LPA: variants seen among roughly 807,000 people sequenced by gnomAD.
The protein encoded by LPA is apolipoprotein(a).
Under a neutral mutation model 197.9 loss-of-function variants are expected in LPA, and 199 were observed. The observed-to-expected ratio is 1.01, with a 90% CI of 0.90 to 1.13. The LOEUF is 1.13. Ranked by LOEUF, LPA falls within the 50% of genes most tolerant of loss-of-function variation. The pLI, the probability that LPA is intolerant of heterozygous loss-of-function variation, is 0.00. For missense variants in LPA, 1,853 were observed against 1,785.8 expected (o/e 1.04, Z -0.68); for synonymous variants, 715 against 639.5 (o/e 1.12, Z -1.78).
rs1371294018 is a variant in LPA, at chr6:160,541,131, A to G, written c.5570T>C (p.Leu1857Pro). 3 of 1,614,186 alleles carry G rather than the reference A, an allele frequency of 1.9e-6. No individual in the cohort carries two copies. The highest frequency in any genetic ancestry group is 2.5e-6 in the Non-Finnish European group (3 of 1,179,996). ...GGTLISPEWV[L>P]TAAHCLKKSS... ...CTTCTTCAAGCAGTGAGCAGCAGTC[A>G]GCACCCACTCTGGGGATATTAAGGT... Residue 1857 changes from leucine to proline, a missense_variant, in exon 35 of 39, where the codon CTG (leucine) becomes CCG (proline). By Grantham distance (98) the Leu-to-Pro change is moderately conservative. This residue lies in a region of LPA where 1,737 missense variants were observed against 1,504.4 expected (regional missense o/e 1.15). Coordinates refer to ENST00000316300, the MANE Select transcript of LPA (RefSeq NM_005577.4).
At chr6:160,609,951 AC>A (rs1399422958) in intron 16 of LPA, among the ~76,000 whole-genome samples, 1 of 152,026 alleles carries the variant, frequency 6.6e-6, no homozygotes, top group African/African-American at 2.4e-5. Flanking sequence ...TTTAAGACAT[AC>A]TTTTTGTATA....
intron 7 of LPA, among the ~76,000 whole-genome samples, chr6:160,634,608 A>T (rs1439928048): frequency 6.7e-6 from 1 of 148,516 alleles, no homozygotes; most frequent in Admixed American, 6.6e-5. Context: ...AAAGCCTAGG[A>T]CTGAAGAGCC....
At chr6:160,570,215 G>A (rs1778538041) in intron 28 of LPA, among the ~76,000 whole-genome samples, 1 of 152,180 alleles carries the variant, frequency 6.6e-6, no homozygotes, top group Non-Finnish European at 1.5e-5. Flanking sequence ...ATTCACAATA[G>A]CAAAGACTTG....
chr6:160,565,375 G>T (rs903595401), intron 28 of LPA, among the ~76,000 whole-genome samples: 2 of 152,180 alleles, frequency 1.3e-5, no homozygotes, highest in Admixed American at 6.5e-5. Flanking sequence ...AATATTTGCT[G>T]TTCTGCAGCC....
chr6:160,647,288 C>G (rs4708876), intron 2 of LPA, among the ~76,000 whole-genome samples: 93,317 of 152,060 alleles, frequency 0.61, 29,228 homozygotes, highest in East Asian at 0.88. Flanking sequence ...GGCAAAGCAG[C>G]TGAGGAGTTT....
At chr6:160,596,225 C>A (rs1562337236) in intron 20 of LPA, among the ~76,000 whole-genome samples, 1 of 152,178 alleles carries the variant, frequency 6.6e-6, no homozygotes, top group East Asian at 1.9e-4. Context: ...TGTGCACCCT[C>A]ATTGGTCTGT....
At chr6:160,577,102 G>C in intron 28 of LPA, 34 bp downstream of exon 28, 3 of 1,610,618 alleles carry the variant, frequency 1.9e-6, no homozygotes, top group African/African-American at 2.7e-5. Flanking sequence ...TGAGTTGGCT[G>C]TTGCTCCTCT....
chr6:160,588,972 G>T (rs2115042087), intron 24 of LPA, among the ~76,000 whole-genome samples: 1 of 152,292 alleles, frequency 6.6e-6, no homozygotes, highest in Admixed American at 6.5e-5. Context: ...CCATCTTCCT[G>T]AATGTGTAAC....
At chr6:160,609,726 TA>T (rs1316548332) in intron 16 of LPA, among the ~76,000 whole-genome samples, 1 of 152,026 alleles carries the variant, frequency 6.6e-6, no homozygotes, top group Non-Finnish European at 1.5e-5. Context: ...GAGGGTCGGT[TA>T]ATTTTATATT....
rs536608798 is a variant in LPA, at chr6:160,545,641, G to C, written c.5305-108C>G. 9.2e-6 allele frequency: 7 copies of C among 758,548 alleles called. No individual in the cohort carries two copies. The African/African-American group carries it at 1.2e-4, about 13-fold the overall frequency. The allele number at this position is 758,548 out of a possible 1,614,324, so 47.0% of individuals were successfully genotyped here. On this transcript the variant is annotated intron_variant, in intron 32 of 38. Coordinates refer to ENST00000316300, the MANE Select transcript of LPA (RefSeq NM_005577.4). ...CTATTCTTAGAAGACAAAAGGGAGC[G>C]TTCCTTCTTCCTTTCTATCATTATT...
rs554286385 is a variant in LPA, at chr6:160,601,897, A to G, written c.2946-799T>C. Reference sequence around the variant, plus strand: ...ATGAGTTGAAAGAACAGTGGCACTCATGGCATAAAGGGAGACAGCTGGGCA... The same window carrying G: ...ATGAGTTGAAAGAACAGTGGCACTCGTGGCATAAAGGGAGACAGCTGGGCA... On this transcript the variant is annotated intron_variant, in intron 18 of 38. Transcript: ENST00000316300. Among the ~76,000 whole-genome samples, 3 of 152,316 alleles carry G rather than the reference A, an allele frequency of 2.0e-5. No homozygotes were observed. In the South Asian group the frequency reaches 6.2e-4, roughly 32 times the overall value.
chr6:160,656,081 T>A (rs769460884), intron 1 of LPA, among the ~76,000 whole-genome samples: 4 of 152,170 alleles, frequency 2.6e-5, no homozygotes, highest in Admixed American at 6.5e-5. Context: ...GCAGCTGCAA[T>A]TGGAGTCACC....
chr6:160,590,967 G>C lies in LPA; in HGVS notation c.3764C>G (p.Thr1255Arg), dbSNP rs200376184. The change falls in exon 23 of 39, where the codon ACG becomes AGG. Residue 1255 changes from threonine to arginine, a missense_variant. Physicochemically the swap from Thr to Arg is moderately conservative, Grantham distance 71. Transcript: ENST00000316300. ...CPVTESSVLA[T>R]STAVSEQAPT... is the part of the protein sequence containing the mutation. ...ACCTTGTTCAGAAACAGCCGTGGACGTCGCAAGGACACTTGATTCTGTCAC... is the reference window on the plus strand; with the variant it reads ...ACCTTGTTCAGAAACAGCCGTGGACCTCGCAAGGACACTTGATTCTGTCAC... 7.3e-4 allele frequency: 1,179 copies of C among 1,613,968 alleles called. 3 individuals carry two copies. The highest frequency in any genetic ancestry group is 6.3e-4 in the Non-Finnish European group (741 of 1,179,916).
Position 160,599,450 on chromosome 6 carries a change from G to A in LPA, c.3287+50C>T, listed in dbSNP as rs778921734. On this transcript the variant is annotated intron_variant, in intron 20 of 38. Transcript: ENST00000316300. The stretch of plus-strand genomic sequence containing the variant: ...ACCTTGAAGCATGACTCTTCTAACA[G>A]AAACTTCCATTGGCCCTTCCTTCGC... 3 of 1,609,630 alleles carry A rather than the reference G, an allele frequency of 1.9e-6. No homozygotes were observed. In the East Asian group the frequency reaches 6.7e-5, roughly 36 times the overall value.
chr6:160,549,849 A>T (rs986031254), intron 30 of LPA, among the ~76,000 whole-genome samples: 1 of 152,214 alleles, frequency 6.6e-6, no homozygotes, highest in Non-Finnish European at 1.5e-5. Flanking sequence ...GACCCAAGGC[A>T]TAAAGTGAGA....
Position 160,605,183 on chromosome 6 carries a change from C to T in LPA, c.2808G>A (p.Gly936=), listed in dbSNP as rs751823130. Residue 936 remains glycine, a synonymous_variant, in exon 18 of 39, where the codon GGG becomes GGA. Transcript: ENST00000316300. ...CATTTCCGTGGTAGCACTCCTGCAC[C>T]CCAGGCCTTTGCTCAGTTGGTGCTG... ...SEQAPTEQRP[G]VQECYHGNGQ... is the part of the protein sequence containing the mutation. 34 of 1,613,678 alleles carry T rather than the reference C, an allele frequency of 2.1e-5. No homozygotes were observed. The highest frequency in any genetic ancestry group is 3.3e-5 in the Admixed American group (2 of 59,984).
chr6:160,589,296 T>C (rs1180872686), intron 24 of LPA, among the ~76,000 whole-genome samples: 5 of 152,344 alleles, frequency 3.3e-5, no homozygotes, highest in African/African-American at 9.6e-5. Flanking sequence ...TGGTCATATG[T>C]TCTTCTGAGC....
chr6:160,606,251 C>G (rs1220127149), intron 17 of LPA, among the ~76,000 whole-genome samples: 1 of 152,128 alleles, frequency 6.6e-6, no homozygotes, highest in Non-Finnish European at 1.5e-5. Flanking sequence ...AGTCGATCAC[C>G]CTGGAGGGTT....
In LPA at chr6:160,541,190, A is replaced by AAAACATGCC. The variant is rs766416190; in HGVS notation, c.5520-18_5520-10dup. The stretch of plus-strand genomic sequence containing the variant: ...AGAAGTGCTTTCCAAACCTAGAAAG[A>AAAACATGCC]AAACATGCCAAGGCTTTGGTCAAAT... On this transcript the variant is annotated splice_polypyrimidine_tract_variant and intron_variant, in intron 34 of 38. Transcript: ENST00000316300. The AAAACATGCC allele has an allele frequency of 4.4e-6, 7 of 1,603,168 alleles. No homozygotes were observed. The highest frequency in any genetic ancestry group is 5.1e-6 in the Non-Finnish European group (6 of 1,170,062).
Sources: allele counts gnomAD v4.1 joint callset (sites outside exome capture counted in the v4.1 genomes callset), GRCh38; gene constraint gnomAD v4.1.1; regional missense constraint gnomAD v4.1.1; transcripts MANE v1.5; gene names NCBI Gene and HGNC (gene_info 2026-07-23, HGNC 2026-07-21).